Variants in NAV3 observed in about 807,000 individuals in gnomAD.
The protein encoded by NAV3 is pore membrane and/or filament interacting like protein 1.
Under a neutral mutation model 244.7 loss-of-function variants are expected in NAV3, and 87 were observed. The ratio of observed to expected loss-of-function variants is 0.36; its 90% CI spans 0.30 to 0.42. NAV3 has a LOEUF of 0.42. Ranked by LOEUF, NAV3 falls within the 20% of genes least tolerant of loss-of-function variation. The pLI is 1.00. For missense variants in NAV3, 2,663 were observed against 2,893.3 expected (o/e 0.92, Z 1.83); for synonymous variants, 1,126 against 1,042.2 (o/e 1.08, Z -1.55).
chr12:77,839,614 G>A (rs889035161), intron 1 of NAV3, among the ~76,000 whole-genome samples: 1 of 152,104 alleles, frequency 6.6e-6, no homozygotes, highest in African/African-American at 2.4e-5. Flanking sequence ...GTCAAAAGAG[G>A]GCCTAATACA....
At position 78,168,474 on chromosome 12, in the gene NAV3, A is replaced by G. The variant is rs990831780; in HGVS notation, c.4870-281A>G. On this transcript the variant is annotated intron_variant, in intron 23 of 39. Transcript: ENST00000397909. ...GGTGTGATATCCTGCTTTACTTTGT[A>G]CTGGTGAGTTCTGGGTGCCACCTTT... Among the ~76,000 whole-genome samples the G allele has an allele frequency of 2.9e-4, 44 of 151,888 alleles. 1 individual carries two copies. The highest frequency in any genetic ancestry group is 2.2e-3 in the Admixed American group (34 of 15,182).
At chr12:77,739,011 CAAAAAA>C (rs1168641355) in intron 2 of NAV3, among the ~76,000 whole-genome samples, 5 of 64,068 alleles carry the variant, frequency 7.8e-5, no homozygotes, top group South Asian at 1.8e-3. Flanking sequence ...GACTCCGTCT[CAAAAAA>C]AAAAAAAAAA....
rs189368108 is a variant in NAV3 at position 77,700,247 on chromosome 12, T to A, written c.72+127981T>A. On this transcript the variant is annotated intron_variant, in intron 2 of 8. Coordinates refer to the NAV3 transcript ENST00000550042. ...GTAGGATTAACATACAAAAATCTCA[T>A]CCTTGAAATGACCTTGGAGTTGGAA... is the stretch of plus-strand genomic sequence containing the variant. 1.1e-4 allele frequency among the ~76,000 whole-genome samples: 16 copies of A among 152,260 alleles called. No homozygotes were observed. In the East Asian group the frequency reaches 2.7e-3, roughly 26 times the overall value.
At chr12:77,686,362 G>A (rs1874744334) in intron 2 of NAV3, among the ~76,000 whole-genome samples, 1 of 151,090 alleles carries the variant, frequency 6.6e-6, no homozygotes, top group Admixed American at 6.6e-5. Context: ...CAGAATGCTA[G>A]GATTACAGAC....
At chr12:78,123,225 T>C (rs1268147040) in intron 16 of NAV3, among the ~76,000 whole-genome samples, 1 of 152,216 alleles carries the variant, frequency 6.6e-6, no homozygotes, top group Non-Finnish European at 1.5e-5. Flanking sequence ...ATAAATGCAA[T>C]GCTATTTGTC....
chr12:78,062,611 A>G (rs1466880289), intron 12 of NAV3, among the ~76,000 whole-genome samples: 2 of 152,038 alleles, frequency 1.3e-5, no homozygotes, highest in Non-Finnish European at 2.9e-5. Flanking sequence ...TATGATAATA[A>G]TTAACTTGTT....
At chr12:78,166,053 A>G (rs1198192446) in intron 23 of NAV3, among the ~76,000 whole-genome samples, 1 of 151,974 alleles carries the variant, frequency 6.6e-6, no homozygotes, top group African/African-American at 2.4e-5. Context: ...ACAGACCAGA[A>G]TATTTCAACA....
chr12:78,200,483 A>G lies in NAV3; in HGVS notation c.6726A>G (p.Leu2242=). 6.3e-7 allele frequency: 1 copy of G among 1,578,932 alleles called. No homozygotes were observed. The highest frequency in any genetic ancestry group is 2.3e-5 in the East Asian group (1 of 44,350). The change falls in exon 38 of 40, where the codon CTA becomes CTG. Residue 2242 remains leucine (L), a synonymous_variant. Coordinates refer to ENST00000397909, the MANE Select transcript of NAV3 (RefSeq NM_001024383.2). The part of the protein sequence containing the change: ...SSSDVTIGPR[L]FLPCPMDVEG... ...TTTATTTCTTATCAGGTCCCCGACT[A>G]TTCCTTCCTTGCCCCATGGATGTAG...
intron 1 of NAV3, among the ~76,000 whole-genome samples, chr12:77,899,108 A>G (rs781185213): frequency 6.6e-6 from 1 of 152,192 alleles, no homozygotes; most frequent in Non-Finnish European, 1.5e-5. Context: ...GTTGCTTCTT[A>G]TGGAGGAACA....
intron 2 of NAV3, among the ~76,000 whole-genome samples, chr12:77,727,851 T>C (rs1876947957): frequency 6.6e-6 from 1 of 151,962 alleles, no homozygotes; most frequent in Non-Finnish European, 1.5e-5. Flanking sequence ...AATGGACAAC[T>C]GCTATTGCCA....
intron 3 of NAV3, among the ~76,000 whole-genome samples, chr12:77,961,297 CAT>C (rs983267492): frequency 3.3e-5 from 2 of 60,302 alleles, no homozygotes; most frequent in Non-Finnish European, 9.9e-5. Context: ...GCAATATACA[CAT>C]ATGTATATAT....
chr12:78,078,133 A>G (rs1166494328), intron 12 of NAV3, among the ~76,000 whole-genome samples: 1 of 152,110 alleles, frequency 6.6e-6, no homozygotes, highest in African/African-American at 2.4e-5. Context: ...TTCAGTAAGA[A>G]CATCCATCAT....
At chr12:77,999,770 A>C (rs1283353566) in intron 7 of NAV3, among the ~76,000 whole-genome samples, 2 of 152,104 alleles carry the variant, frequency 1.3e-5, no homozygotes, top group Non-Finnish European at 1.5e-5. Flanking sequence ...CCTGGGGCTA[A>C]GGGAGGTGAC....
intron 2 of NAV3, among the ~76,000 whole-genome samples, chr12:77,667,515 G>A (rs970510289): frequency 2.0e-5 from 3 of 152,020 alleles, no homozygotes; most frequent in Non-Finnish European, 4.4e-5. Flanking sequence ...GTATGACTCA[G>A]CAGAGGCAGC....
chr12:77,880,235 T>C (rs976445310), intron 1 of NAV3, among the ~76,000 whole-genome samples: 3 of 152,170 alleles, frequency 2.0e-5, no homozygotes, highest in Non-Finnish European at 2.9e-5. Context: ...TCTTATTTTA[T>C]TTTTCATTTG....
intron 2 of NAV3, among the ~76,000 whole-genome samples, chr12:77,733,488 G>A (rs1191752027): frequency 1.3e-5 from 2 of 151,938 alleles, no homozygotes; most frequent in African/African-American, 4.8e-5. Context: ...CTGGCTTTGG[G>A]TTTCACCATA....
intron 2 of NAV3, among the ~76,000 whole-genome samples, chr12:77,641,366 A>G (rs1484969405): frequency 1.3e-5 from 2 of 152,090 alleles, no homozygotes. Flanking sequence ...ACCTCAGTCA[A>G]GACATTAATT....
At chr12:78,095,088 CATATATATAT>C (rs550514901) in intron 12 of NAV3, among the ~76,000 whole-genome samples, 150 of 133,452 alleles carry the variant, frequency 1.1e-3, no homozygotes, top group Middle Eastern at 8.1e-3. Flanking sequence ...CACACACACA[CATATATATAT>C]ACACATATAT....
chr12:78,115,551 A>C (rs1013482665), intron 12 of NAV3, among the ~76,000 whole-genome samples: 4 of 152,172 alleles, frequency 2.6e-5, no homozygotes, highest in Non-Finnish European at 5.9e-5. Flanking sequence ...AGCCTATTTA[A>C]TTTATCCTTC....
Sources: gnomAD v4.1 joint callset for allele counts (sites outside exome capture counted in the v4.1 genomes callset) on GRCh38, gnomAD v4.1.1 for gene constraint, MANE v1.5 for transcripts, NCBI Gene and HGNC (gene_info 2026-07-23, HGNC 2026-07-21) for gene names.